The following NTRK3 variants were observed in gnomAD, a reference collection of about 807,000 sequenced individuals.
NTRK3 encodes NT-3 growth factor receptor.
NTRK3 carries 24 observed loss-of-function variants against 91.7 expected under a neutral mutation model. The observed-to-expected ratio is 0.26, with a 90% CI of 0.19 to 0.37. NTRK3 has a LOEUF of 0.37. Ranked by LOEUF, NTRK3 falls within the 10% of genes least tolerant of loss-of-function variation. The pLI, the probability that NTRK3 is intolerant of heterozygous loss-of-function variation, is 1.00. For synonymous variants in NTRK3, 483 were observed against 404.0 expected (o/e 1.20, Z -2.34); for missense variants, 880 against 1,068.9 (o/e 0.82, Z 2.46).
chr15:88,143,975 G>A (rs968164127), intron 6 of NTRK3: 3 of 152,134 alleles, frequency 2.0e-5, no homozygotes, highest in Admixed American at 1.3e-4. Context: ...GGATCCTTAG[G>A]GCACTGCTGG....
intron 14 of NTRK3, among the ~76,000 whole-genome samples, chr15:88,017,686 G>C (rs2077333915): frequency 6.6e-6 from 1 of 152,150 alleles, no homozygotes; most frequent in African/African-American, 2.4e-5. Flanking sequence ...TGGGGAATAG[G>C]GGGAGAGGGG....
chr15:87,941,059 G>C (rs957094502), intron 14 of NTRK3, among the ~76,000 whole-genome samples: 4 of 152,212 alleles, frequency 2.6e-5, no homozygotes, highest in Admixed American at 2.6e-4. Flanking sequence ...AGCCAGAGTT[G>C]TTGGAGATAG....
chr15:88,068,438 C>T (rs1196696589), intron 13 of NTRK3, among the ~76,000 whole-genome samples: 1 of 151,702 alleles, frequency 6.6e-6, no homozygotes, highest in Non-Finnish European at 1.5e-5. Flanking sequence ...CTCAAAAAAA[C>T]AAAACAAAAC....
intron 14 of NTRK3, among the ~76,000 whole-genome samples, chr15:87,968,960 G>C (rs2073028634): frequency 1.3e-5 from 2 of 152,076 alleles, no homozygotes; most frequent in South Asian, 2.1e-4. Flanking sequence ...CCTTCAATCA[G>C]TTTTTATTTA....
At chr15:88,129,005 C>T (rs1260359702) in intron 10 of NTRK3, among the ~76,000 whole-genome samples, 1 of 152,180 alleles carries the variant, frequency 6.6e-6, no homozygotes, top group African/African-American at 2.4e-5. Context: ...AAACCAGGTT[C>T]ATTATGAGAT....
chr15:88,115,230 G>A (rs1030094344), intron 13 of NTRK3, among the ~76,000 whole-genome samples: 1 of 152,212 alleles, frequency 6.6e-6, no homozygotes, highest in Non-Finnish European at 1.5e-5. Context: ...CTCCTCAGAA[G>A]GCAGCAAGCA....
rs756837892 is a variant in NTRK3 at position 88,255,868 on chromosome 15, G to A, written c.248+38C>T. On this transcript the variant is annotated intron_variant, in intron 3 of 18. Coordinates refer to ENST00000394480, the Ensembl canonical transcript of NTRK3. This position sits in a 1 kb window ranked among gnomAD's most constrained non-coding sequence, Gnocchi z 4.3. ...GGTGGGCAGGAGGGAGACGCAGAGC[G>A]CGGGGGAGGCAGGCTGGGGAGCGGC... 6.3e-7 allele frequency: 1 copy of A among 1,579,966 alleles called. No individual in the cohort carries two copies. Among genetic ancestry groups the A allele is most frequent in the Non-Finnish European group, 8.6e-7 (1 of 1,158,398 alleles).
At chr15:87,882,214 C>G (rs569495500) in intron 17 of NTRK3, among the ~76,000 whole-genome samples, 2 of 152,264 alleles carry the variant, frequency 1.3e-5, no homozygotes, top group African/African-American at 2.4e-5. Context: ...TATTTTCAAC[C>G]TGGGACTTTC....
chr15:88,189,813 T>C (rs556799026), intron 3 of NTRK3, among the ~76,000 whole-genome samples: 3 of 152,292 alleles, frequency 2.0e-5, no homozygotes, highest in Non-Finnish European at 4.4e-5. Flanking sequence ...GATAAACGAA[T>C]TGGCAATCTC....
intron 14 of NTRK3, among the ~76,000 whole-genome samples, chr15:88,010,640 G>T (rs538095820): frequency 1.3e-5 from 2 of 151,996 alleles, no homozygotes; most frequent in Non-Finnish European, 2.9e-5. Flanking sequence ...TGAATAAGGA[G>T]AATTTTATTT....
Position 87,939,882 on chromosome 15 carries a change from G to T in NTRK3, c.1716+741C>A, listed in dbSNP as rs144732552. On this transcript the variant is annotated intron_variant, in intron 15 of 18. Coordinates refer to ENST00000394480, the Ensembl canonical transcript of NTRK3. The stretch of plus-strand genomic sequence containing the variant: ...ACAAAGAGAAGCTGTTGACTGCTGG[G>T]TGGAAGAGTCTGGAAGGACAACTAG... 3.3e-5 allele frequency among the ~76,000 whole-genome samples: 5 copies of T among 152,206 alleles called. 1 individual carries two copies. The South Asian group carries it at 8.3e-4, about 25-fold the overall frequency.
chr15:88,135,478 A>G, intron 9 of NTRK3, 81 bp from the exon 10 acceptor site: 1 of 1,486,854 alleles, frequency 6.7e-7, no homozygotes, highest in East Asian at 2.4e-5. Flanking sequence ...CTAAAATGGG[A>G]ATCCCGGTTC....
At chr15:88,191,728 A>G (rs1487187580) in intron 3 of NTRK3, among the ~76,000 whole-genome samples, 1 of 152,252 alleles carries the variant, frequency 6.6e-6, no homozygotes, top group East Asian at 1.9e-4. Flanking sequence ...AGACAGCAAC[A>G]TTAGCTTTCA....
chr15:88,025,196 A>G (rs531083116), intron 14 of NTRK3, among the ~76,000 whole-genome samples: 1 of 152,382 alleles, frequency 6.6e-6, no homozygotes, highest in East Asian at 1.9e-4. Context: ...TGGTATAACC[A>G]TTCACTTTTG....
chr15:87,986,817 T>A (rs115937624), intron 14 of NTRK3, among the ~76,000 whole-genome samples: 24 of 152,352 alleles, frequency 1.6e-4, no homozygotes, highest in African/African-American at 5.5e-4. Context: ...AAGGACCAGA[T>A]AGAAAATATT....
At chr15:87,952,758 T>C (rs1359401126) in intron 14 of NTRK3, among the ~76,000 whole-genome samples, 1 of 151,928 alleles carries the variant, frequency 6.6e-6, no homozygotes, top group Non-Finnish European at 1.5e-5. Context: ...TCCCGAGAGG[T>C]CACGCTGGGC....
exon 19 of NTRK3, chr15:87,872,941 ATAAC>A (rs1351705556): frequency 3.4e-5 from 8 of 233,006 alleles, no homozygotes; most frequent in Non-Finnish European, 6.8e-5. Flanking sequence ...GGCCACGTGG[ATAAC>A]TAATAGCAAA....
At chr15:88,236,843 C>A (rs1014213218) in intron 3 of NTRK3, among the ~76,000 whole-genome samples, 1 of 149,612 alleles carries the variant, frequency 6.7e-6, no homozygotes, top group Non-Finnish European at 1.5e-5. Flanking sequence ...ATCTCCCAAA[C>A]AGTGGCTCCC....
intron 10 of NTRK3, among the ~76,000 whole-genome samples, chr15:88,134,854 G>A (rs974283616): frequency 2.0e-5 from 3 of 152,192 alleles, no homozygotes; most frequent in African/African-American, 7.2e-5. Flanking sequence ...ATCATACAGT[G>A]TGCCCTAACA....
Sources: gnomAD v4.1 joint callset for allele counts (sites outside exome capture counted in the v4.1 genomes callset) on GRCh38, gnomAD v4.1.1 for gene constraint, Gnocchi (gnomAD v3.1) non-coding constraint, MANE v1.5 for transcripts, NCBI Gene and HGNC (gene_info 2026-07-23, HGNC 2026-07-21) for gene names.